The following GALNTL6 variants were observed in gnomAD, a reference collection of about 807,000 sequenced individuals.
GALNTL6 encodes polypeptide N-acetylgalactosaminyltransferase like 6, also known as polypeptide N-acetylgalactosaminyltransferase-like 6.
In GALNTL6, 46 loss-of-function variants were observed where a neutral mutation model predicts 73.7. That is an observed-to-expected ratio of 0.62 (90% CI 0.49 to 0.80). The LOEUF (loss-of-function observed/expected upper bound fraction) is 0.80. GALNTL6 is among the 30% of genes least tolerant of loss of function. The probability of loss-of-function intolerance (pLI) is 0.00; values close to 1 mark genes in which losing one functional copy is unlikely to be tolerated. For missense variants in GALNTL6, 604 were observed against 755.0 expected, an observed-to-expected ratio of 0.80 and a Z score of 2.34; for synonymous variants, 259 against 263.7, an observed-to-expected ratio of 0.98 and a Z score of 0.17.
intron 3 of GALNTL6, among the ~76,000 whole-genome samples, chr4:172,237,226 A>G (rs184168326): frequency 1.3e-5 from 2 of 152,292 alleles, no homozygotes; most frequent in Non-Finnish European, 2.9e-5. Flanking sequence ...CTTTGGGTGT[A>G]TACCCAATAA....
intron 5 of GALNTL6, among the ~76,000 whole-genome samples, chr4:172,533,392 T>G (rs1735237492): frequency 7.0e-6 from 1 of 142,072 alleles, no homozygotes; most frequent in Non-Finnish European, 1.5e-5. Context: ...TGGTGTGATC[T>G]TGGCTTACTG....
At chr4:172,347,911 CT>C (rs1270670804) in intron 4 of GALNTL6, among the ~76,000 whole-genome samples, 1 of 151,984 alleles carries the variant, frequency 6.6e-6, no homozygotes, top group Non-Finnish European at 1.5e-5. Context: ...CTTGAGATTT[CT>C]TTTTAGAGTT....
At chr4:171,924,646 T>C (rs1737919467) in intron 2 of GALNTL6, among the ~76,000 whole-genome samples, 1 of 152,186 alleles carries the variant, frequency 6.6e-6, no homozygotes. Context: ...GCATAGCACT[T>C]GCCTGTCACA....
intron 5 of GALNTL6, among the ~76,000 whole-genome samples, chr4:172,520,334 GTTTTA>G (rs200727437): frequency 0.021 from 3,176 of 151,854 alleles, 107 homozygotes; most frequent in African/African-American, 0.072. Context: ...AGGATAAGTT[GTTTTA>G]TTTTATTTTA....
intron 5 of GALNTL6, among the ~76,000 whole-genome samples, chr4:172,653,651 T>G (rs1346250850): frequency 6.6e-6 from 1 of 152,226 alleles, no homozygotes; most frequent in South Asian, 2.1e-4. Flanking sequence ...AGACATACTT[T>G]ACTAAAAGAT....
At chr4:171,977,113 G>T (rs1174806725) in intron 2 of GALNTL6, among the ~76,000 whole-genome samples, 1 of 152,188 alleles carries the variant, frequency 6.6e-6, no homozygotes, top group Non-Finnish European at 1.5e-5. Flanking sequence ...AAGAAGGAGA[G>T]TAAGCCTTAG....
chr4:172,943,035 G>T (rs1018184099), intron 9 of GALNTL6, among the ~76,000 whole-genome samples: 1 of 151,066 alleles, frequency 6.6e-6, no homozygotes, highest in Non-Finnish European at 1.5e-5. Flanking sequence ...AAACAAACAA[G>T]TACAATCTTA....
chr4:172,843,358 C>T (rs547169228), intron 7 of GALNTL6, among the ~76,000 whole-genome samples: 41 of 152,318 alleles, frequency 2.7e-4, no homozygotes, highest in Admixed American at 5.9e-4. Flanking sequence ...TTGAGAGTGG[C>T]TTCGGTAATG....
rs140537585 is a variant in GALNTL6 at position 172,956,739 on chromosome 4, A to C, written c.1371+4481A>C. Among the ~76,000 whole-genome samples, 1,066 of 152,308 alleles carry C rather than the reference A, an allele frequency of 7.0e-3. 34 individuals carry two copies. The South Asian group carries it at 0.092, about 13-fold the overall frequency. ...AGCATTCTGAGGACAGGCCTGAATT[A>C]TGAGAAGGGAAAGAGGTAAAAGTAT... On this transcript the variant is annotated intron_variant, in intron 10 of 12. Transcript: ENST00000506823.
chr4:172,324,142 A>ATG (rs199730037), intron 4 of GALNTL6, among the ~76,000 whole-genome samples: 2 of 151,874 alleles, frequency 1.3e-5, no homozygotes, highest in Non-Finnish European at 2.9e-5. Flanking sequence ...ATTTTACATG[A>ATG]TGTGTGTGTG....
At position 172,099,177 on chromosome 4, in the gene GALNTL6, A is replaced by G. The variant is rs144516264; in HGVS notation, c.139-130479A>G. ...CGAAAAAAACATGCTATATATTCCC[A>G]TTAGGTTGGTGAACTTTGAACTGAC... On this transcript the variant is annotated intron_variant, in intron 2 of 12. Coordinates refer to ENST00000506823, the MANE Select transcript of GALNTL6 (RefSeq NM_001034845.3). Among the ~76,000 whole-genome samples the G allele has an allele frequency of 8.5e-4, 129 of 152,298 alleles. 1 individual carries two copies. The East Asian group carries it at 0.014, about 17-fold the overall frequency.
chr4:172,405,021 C>T (rs768747910), intron 5 of GALNTL6, among the ~76,000 whole-genome samples: 18 of 152,024 alleles, frequency 1.2e-4, no homozygotes, highest in Admixed American at 2.6e-4. Flanking sequence ...GCAATGATTA[C>T]ATCCTTCAAC....
At chr4:172,201,600 A>G (rs914127164) in intron 2 of GALNTL6, among the ~76,000 whole-genome samples, 8 of 152,046 alleles carry the variant, frequency 5.3e-5, no homozygotes, top group African/African-American at 1.9e-4. Context: ...ATTAAACGAA[A>G]CACAGATAAA....
At chr4:172,711,554 G>T (rs922864417) in intron 5 of GALNTL6, among the ~76,000 whole-genome samples, 1 of 152,150 alleles carries the variant, frequency 6.6e-6, no homozygotes, top group Non-Finnish European at 1.5e-5. Context: ...GGTGAACAAG[G>T]TAGGGTTCCA....
intron 2 of GALNTL6, among the ~76,000 whole-genome samples, chr4:171,904,375 A>G (rs920931172): frequency 1.3e-5 from 2 of 152,220 alleles, no homozygotes; most frequent in Admixed American, 6.5e-5. Flanking sequence ...GATGCGATCA[A>G]CTGGAAGAAA....
At chr4:172,237,747 CT>C (rs1737288184) in intron 3 of GALNTL6, among the ~76,000 whole-genome samples, 1 of 152,096 alleles carries the variant, frequency 6.6e-6, no homozygotes, top group Non-Finnish European at 1.5e-5. Context: ...TTTAATCCAT[CT>C]TGAGCTGATT....
At chr4:172,393,534 TG>T (rs1409717053) in intron 5 of GALNTL6, among the ~76,000 whole-genome samples, 3 of 152,240 alleles carry the variant, frequency 2.0e-5, no homozygotes, top group Non-Finnish European at 2.9e-5. Flanking sequence ...ACACATTAAA[TG>T]ATGAAGCTTA....
intron 5 of GALNTL6, among the ~76,000 whole-genome samples, chr4:172,526,210 C>T (rs338048): frequency 0.79 from 120,186 of 152,166 alleles, 47,809 homozygotes; most frequent in East Asian, 1. Context: ...TATGGAACAA[C>T]TTTGAGTTGT....
At chr4:171,935,710 C>T (rs1738321700) in intron 2 of GALNTL6, among the ~76,000 whole-genome samples, 1 of 152,106 alleles carries the variant, frequency 6.6e-6, no homozygotes, top group Admixed American at 6.6e-5. Flanking sequence ...ACACTTTTAC[C>T]ACATGCATCA....
Sources: allele counts gnomAD v4.1 joint callset (sites outside exome capture counted in the v4.1 genomes callset), GRCh38; gene constraint gnomAD v4.1.1; transcripts MANE v1.5; gene names NCBI Gene and HGNC (gene_info 2026-07-23, HGNC 2026-07-21).